LRRTM4: variants seen among roughly 807,000 people sequenced by gnomAD.
LRRTM4 encodes the protein leucine-rich repeat transmembrane neuronal protein 4.
Under a neutral mutation model 47.6 loss-of-function variants are expected in LRRTM4, and 25 were observed. The observed-to-expected ratio is 0.53, with a 90% confidence interval of 0.38 to 0.73. The LOEUF is 0.73. Among genes scored for constraint, LRRTM4 ranks in the 30% least tolerant of loss-of-function variants. The probability of loss-of-function intolerance (pLI) is 0.00; values close to 1 mark genes in which losing one functional copy is unlikely to be tolerated. For missense variants in LRRTM4, 638 were observed against 713.4 expected, an observed-to-expected ratio of 0.89 and a Z score of 1.20; for synonymous variants, 311 against 269.5, an observed-to-expected ratio of 1.15 and a Z score of -1.51.
At chr2:77,073,071 A>G (rs1680214931) in intron 3 of LRRTM4, among the ~76,000 whole-genome samples, 1 of 152,130 alleles carries the variant, frequency 6.6e-6, no homozygotes, top group East Asian at 1.9e-4. Flanking sequence ...ATCCCAGACC[A>G]GTGGCATCAG....
chr2:76,956,124 GAA>G lies in LRRTM4; in HGVS notation c.1552-207210_1552-207209del, dbSNP rs1346714079. Among the ~76,000 whole-genome samples the G allele has an allele frequency of 2.0e-5, 3 of 151,390 alleles. No individual in the cohort carries two copies. The East Asian group carries it at 5.9e-4, about 30-fold the overall frequency. ...ACACATTAGTCAAAAGTGAAAGAATGAAAAAAGATATCCCATACAAATGATAA... is the reference window on the plus strand; with the variant it reads ...ACACATTAGTCAAAAGTGAAAGAATGAAAAGATATCCCATACAAATGATAA... On this transcript the variant is annotated intron_variant, in intron 3 of 3. Coordinates refer to ENST00000409884, the MANE Select transcript of LRRTM4 (RefSeq NM_001134745.3).
chr2:77,065,394 G>T (rs1182232202), intron 3 of LRRTM4, among the ~76,000 whole-genome samples: 1 of 152,094 alleles, frequency 6.6e-6, no homozygotes, highest in Non-Finnish European at 1.5e-5. Flanking sequence ...TATTTAAAGT[G>T]CAATGTAAAA....
intron 3 of LRRTM4, among the ~76,000 whole-genome samples, chr2:76,925,408 A>G (rs1241576982): frequency 1.3e-5 from 2 of 152,086 alleles, no homozygotes; most frequent in East Asian, 3.9e-4. Context: ...TGACCCCTTG[A>G]TTTCAGCCTC....
chr2:77,256,113 T>C (rs1675757929), intron 3 of LRRTM4, among the ~76,000 whole-genome samples: 1 of 151,978 alleles, frequency 6.6e-6, no homozygotes, highest in Non-Finnish European at 1.5e-5. Context: ...TCTCTGTAAA[T>C]ATCAGAAGGT....
intron 3 of LRRTM4, among the ~76,000 whole-genome samples, chr2:76,786,751 T>G (rs1360846139): frequency 6.6e-6 from 1 of 151,606 alleles, no homozygotes; most frequent in African/African-American, 2.4e-5. Flanking sequence ...GTTAGAAGAT[T>G]GCAGAAAAAA....
At chr2:76,983,865 TA>T (rs1676699817) in intron 3 of LRRTM4, among the ~76,000 whole-genome samples, 1 of 152,076 alleles carries the variant, frequency 6.6e-6, no homozygotes, top group Non-Finnish European at 1.5e-5. Flanking sequence ...GACAAACAGC[TA>T]ATCAAATCGG....
At chr2:77,222,980 C>T (rs1573100519) in intron 3 of LRRTM4, among the ~76,000 whole-genome samples, 1 of 152,088 alleles carries the variant, frequency 6.6e-6, no homozygotes, top group South Asian at 2.1e-4. Flanking sequence ...CAAACTGAAT[C>T]CAGCAACATA....
chr2:77,376,192 T>C (rs890483399), intron 3 of LRRTM4, among the ~76,000 whole-genome samples: 1 of 151,836 alleles, frequency 6.6e-6, no homozygotes, highest in Non-Finnish European at 1.5e-5. Flanking sequence ...AAATTTTCCA[T>C]TTAACAGTAT....
intron 3 of LRRTM4, among the ~76,000 whole-genome samples, chr2:76,804,648 A>G (rs1675872419): frequency 6.8e-6 from 1 of 147,530 alleles, no homozygotes; most frequent in Non-Finnish European, 1.5e-5. Flanking sequence ...TATACTATAT[A>G]TATAGTAAAT....
intron 3 of LRRTM4, among the ~76,000 whole-genome samples, chr2:76,962,096 A>G (rs1675879480): frequency 6.6e-6 from 1 of 151,234 alleles, no homozygotes; most frequent in Non-Finnish European, 1.5e-5. Context: ...GTAACTATTT[A>G]AAGATGATAG....
At chr2:77,034,091 A>C (rs1276196772) in intron 3 of LRRTM4, among the ~76,000 whole-genome samples, 1 of 151,826 alleles carries the variant, frequency 6.6e-6, no homozygotes, top group Non-Finnish European at 1.5e-5. Flanking sequence ...TTAATATTTT[A>C]ATCTTAAAAT....
chr2:77,354,289 T>A (rs1008148661), intron 3 of LRRTM4, among the ~76,000 whole-genome samples: 14 of 152,136 alleles, frequency 9.2e-5, no homozygotes, highest in Non-Finnish European at 1.6e-4. Context: ...GAAATAAAGC[T>A]ATAAAAGAGC....
intron 3 of LRRTM4, among the ~76,000 whole-genome samples, chr2:76,800,966 C>G (rs13393472): frequency 0.11 from 16,274 of 148,776 alleles, 1,158 homozygotes; most frequent in Non-Finnish European, 0.14. Context: ...CAATGAGATA[C>G]CATCTCACAC....
At chr2:77,162,235 T>C (rs189238047) in intron 3 of LRRTM4, among the ~76,000 whole-genome samples, 1 of 152,238 alleles carries the variant, frequency 6.6e-6, no homozygotes, top group East Asian at 1.9e-4. Context: ...AGTACAGCAG[T>C]CTGAGATTAA....
At position 76,850,548 on chromosome 2, in the gene LRRTM4, T is replaced by C. The variant is rs1671962597; in HGVS notation, c.1552-101632A>G. On this transcript the variant is annotated intron_variant, in intron 3 of 3. Transcript: ENST00000409884. ...CTGTTACTGCAGAGATTAAATGATA[T>C]GTTTAAGCAAGGGATATAAGAGCGA... Among the ~76,000 whole-genome samples, 3 of 152,310 alleles carry C rather than the reference T, an allele frequency of 2.0e-5. 1 individual carries two copies. Among genetic ancestry groups the C allele is most frequent in the Middle Eastern group, 6.8e-3 (2 of 294 alleles).
intron 3 of LRRTM4, among the ~76,000 whole-genome samples, chr2:77,272,777 C>G (rs186831705): frequency 6.6e-6 from 1 of 152,230 alleles, no homozygotes; most frequent in East Asian, 1.9e-4. Flanking sequence ...TGGCACCACC[C>G]TCCTTTTTTT....
chr2:77,380,379 G>C (rs1190000956), intron 3 of LRRTM4, among the ~76,000 whole-genome samples: 1 of 152,050 alleles, frequency 6.6e-6, no homozygotes, highest in Non-Finnish European at 1.5e-5. Context: ...AACAAAATTT[G>C]ACCCAGGAAT....
intron 3 of LRRTM4, among the ~76,000 whole-genome samples, chr2:77,337,593 T>G (rs1046851665): frequency 3.3e-5 from 5 of 152,072 alleles, no homozygotes; most frequent in Non-Finnish European, 7.4e-5. Context: ...TCTTCCCCCT[T>G]AGCTCCCACT....
At chr2:76,835,749 A>G (rs11883849) in intron 3 of LRRTM4, among the ~76,000 whole-genome samples, 71,159 of 151,722 alleles carry the variant, frequency 0.47, 18,029 homozygotes, top group East Asian at 0.76. Flanking sequence ...AAGGTCACTT[A>G]AGGAAGGTTA....
Sources: gnomAD v4.1 joint callset for allele counts (sites outside exome capture counted in the v4.1 genomes callset) on GRCh38, gnomAD v4.1.1 for gene constraint, MANE v1.5 for transcripts, NCBI Gene and HGNC (gene_info 2026-07-23, HGNC 2026-07-21) for gene names.